Variants in ERC1 observed in about 807,000 individuals in gnomAD.
ERC1 encodes the protein ELKS/RAB6-interacting/CAST family member 1, also known as RAB6 interacting protein 2.
ERC1 carries 56 observed loss-of-function variants against 132.0 expected under a neutral mutation model. That is an observed-to-expected ratio of 0.42 (90% CI 0.34 to 0.53). ERC1 has a LOEUF of 0.53. ERC1 is among the 20% of genes least tolerant of loss of function. ERC1 has a pLI of 0.03. For missense variants in ERC1, 1,202 were observed against 1,349.9 expected (o/e 0.89, Z 1.72); for synonymous variants, 478 against 476.1 (o/e 1.00, Z -0.05).
intron 15 of ERC1, among the ~76,000 whole-genome samples, chr12:1,352,037 G>A (rs1174517301): frequency 1.3e-5 from 2 of 152,132 alleles, no homozygotes; most frequent in African/African-American, 2.4e-5. Flanking sequence ...TAGGCCTCCA[G>A]CTTTAACCCA....
At chr12:1,373,793 AAAAG>A (rs1297359601) in intron 16 of ERC1, among the ~76,000 whole-genome samples, 1 of 70,042 alleles carries the variant, frequency 1.4e-5, no homozygotes, top group African/African-American at 6.1e-5. Flanking sequence ...GAAAAAGAAG[AAAAG>A]AAAGAAAAGA....
intron 14 of ERC1, among the ~76,000 whole-genome samples, chr12:1,266,603 C>G (rs1372316363): frequency 6.6e-6 from 1 of 151,746 alleles, no homozygotes; most frequent in Non-Finnish European, 1.5e-5. Context: ...CGGGGTTTCA[C>G]CATGTTGGCC....
At position 1,247,062 on chromosome 12, in the gene ERC1, G is replaced by C. The variant is rs564509421; in HGVS notation, c.2487+10158G>C. Among the ~76,000 whole-genome samples the C allele has an allele frequency of 6.0e-5, 9 of 148,816 alleles. No homozygotes were observed. The East Asian group carries it at 1.4e-3, about 22-fold the overall frequency. ...GAGGATCACTTGAGCCCAGGAGTTT[G>C]AGGTTGCAGTGAGCCCAGGAGTTTG... On this transcript the variant is annotated intron_variant, in intron 13 of 18. Coordinates refer to ENST00000360905, the MANE Select transcript of ERC1 (RefSeq NM_178040.4).
intron 11 of ERC1, among the ~76,000 whole-genome samples, chr12:1,184,844 C>G (rs1219458507): frequency 6.6e-6 from 1 of 152,104 alleles, no homozygotes; most frequent in South Asian, 2.1e-4. Context: ...CTTCAAACTT[C>G]TAGGTATAAG....
chr12:1,110,192 G>C lies in ERC1; in HGVS notation c.1162G>C (p.Asp388His), dbSNP rs1202607167. ...KALQTVIEMK[D>H]SKISSMERGL... ...TCACTAAATCTTCCATTGTCTTCAG[G>C]ATTCAAAAATTTCCTCTATGGAGCG... The change falls in exon 5 of 19, where the codon GAT becomes CAT. Residue 388 changes from aspartate (D) to histidine (H), a missense_variant and splice_region_variant. Coordinates refer to ENST00000360905, the MANE Select transcript of ERC1 (RefSeq NM_178040.4). 3 of 1,601,964 alleles carry C rather than the reference G, an allele frequency of 1.9e-6. No homozygotes were observed. The highest frequency in any genetic ancestry group is 1.3e-5 in the African/African-American group (1 of 74,220).
At chr12:1,360,784 C>T (rs1045216921) in intron 15 of ERC1, among the ~76,000 whole-genome samples, 3 of 151,870 alleles carry the variant, frequency 2.0e-5, no homozygotes, top group Admixed American at 1.3e-4. Flanking sequence ...GCTAAAGTAA[C>T]GTTTAAGGAA....
At chr12:1,007,142 T>C (rs899544739) in intron 1 of ERC1, among the ~76,000 whole-genome samples, 2 of 152,150 alleles carry the variant, frequency 1.3e-5, no homozygotes, top group African/African-American at 2.4e-5. Flanking sequence ...ATAAGTGTTA[T>C]TGATACGTGC....
chr12:1,155,380 C>A (rs1951282015), intron 8 of ERC1, among the ~76,000 whole-genome samples: 1 of 151,002 alleles, frequency 6.6e-6, no homozygotes, highest in South Asian at 2.1e-4. Context: ...TAGGAGTCTA[C>A]CCAAAGGAAA....
chr12:1,068,534 G>A (rs534044511), intron 2 of ERC1, among the ~76,000 whole-genome samples: 2 of 151,982 alleles, frequency 1.3e-5, no homozygotes, highest in African/African-American at 4.8e-5. Context: ...CTGATGCTTA[G>A]CATTTTTTTG....
intron 16 of ERC1, among the ~76,000 whole-genome samples, chr12:1,396,498 C>G (rs181688714): frequency 7.2e-5 from 11 of 152,290 alleles, no homozygotes; most frequent in African/African-American, 2.6e-4. Context: ...TGTCGCAGCC[C>G]TCATAAACTC....
chr12:1,081,294 C>A (rs1276525218), intron 2 of ERC1, among the ~76,000 whole-genome samples: 2 of 152,212 alleles, frequency 1.3e-5, no homozygotes, highest in Non-Finnish European at 2.9e-5. Context: ...TCTACCCTCT[C>A]AAACATTTTA....
At chr12:1,049,352 G>C (rs1971551850) in intron 2 of ERC1, among the ~76,000 whole-genome samples, 1 of 152,148 alleles carries the variant, frequency 6.6e-6, no homozygotes, top group Non-Finnish European at 1.5e-5. Flanking sequence ...GCTGAACCCA[G>C]ATCAGTGATT....
intron 2 of ERC1, among the ~76,000 whole-genome samples, chr12:1,061,861 A>G (rs1937997801): frequency 6.6e-6 from 1 of 151,318 alleles, no homozygotes; most frequent in Non-Finnish European, 1.5e-5. Context: ...ATGCATTGCT[A>G]GGTTGTTTAT....
At chr12:1,007,472 CTCTCTCTCTCTCTCTCTCTCTT>C (rs1426108306) in intron 1 of ERC1, among the ~76,000 whole-genome samples, 1 of 150,082 alleles carries the variant, frequency 6.7e-6, no homozygotes, top group Non-Finnish European at 1.5e-5. Flanking sequence ...CTCTCTCTCT[CTCTCTCTCTCTCTCTCTCTCTT>C]TCTCTCTCTC....
chr12:1,228,609 C>T (rs2074784384), intron 12 of ERC1, among the ~76,000 whole-genome samples: 1 of 152,048 alleles, frequency 6.6e-6, no homozygotes, highest in Non-Finnish European at 1.5e-5. Flanking sequence ...TTTCTTGTTC[C>T]TGATGTTAGG....
chr12:1,167,702 CTTCTTTT>C (rs1180587393), intron 8 of ERC1, among the ~76,000 whole-genome samples: 1 of 149,790 alleles, frequency 6.7e-6, no homozygotes, highest in East Asian at 2.0e-4. Context: ...GATCTTTGGG[CTTCTTTT>C]TTCTTTTCTT....
intron 2 of ERC1, among the ~76,000 whole-genome samples, chr12:1,045,941 ATTACT>A (rs1380629164): frequency 2.0e-5 from 3 of 152,124 alleles, no homozygotes; most frequent in Non-Finnish European, 4.4e-5. Context: ...ATATAATTTG[ATTACT>A]TTAAATAATC....
chr12:1,137,100 C>CTTTTTTTTTTTTTTTTTTTTTTTT (rs944757047), intron 7 of ERC1, among the ~76,000 whole-genome samples: 4 of 122,894 alleles, frequency 3.3e-5, no homozygotes, highest in Admixed American at 8.8e-5. Context: ...TTTTTCTTTT[C>CTTTTTTTTTTTTTTTTTTTTTTTT]TTTTTTTTTT....
chr12:1,028,117 A>G lies in ERC1; in HGVS notation c.214A>G (p.Met72Val), dbSNP rs769096127. The change falls in exon 2 of 19, where the codon ATG becomes GTG. Residue 72 changes from methionine to valine, a missense_variant. Met to Val is a conservative substitution (Grantham distance 21). Coordinates refer to ENST00000360905, the MANE Select transcript of ERC1 (RefSeq NM_178040.4). ...LNAAYATSGP[M>V]YLSDHENVGS... Reference sequence around the variant, plus strand: ...TGCTGCCTATGCCACCTCTGGCCCTATGTATCTAAGTGACCATGAAAATGT... The same window carrying G: ...TGCTGCCTATGCCACCTCTGGCCCTGTGTATCTAAGTGACCATGAAAATGT... The G allele has an allele frequency of 4.8e-5, 77 of 1,614,082 alleles. No homozygotes were observed. Among genetic ancestry groups the G allele is most frequent in the Admixed American group, 2.2e-4 (13 of 60,004 alleles).
Sources: gnomAD v4.1 joint callset for allele counts (sites outside exome capture counted in the v4.1 genomes callset) on GRCh38, gnomAD v4.1.1 for gene constraint, MANE v1.5 for transcripts, NCBI Gene and HGNC (gene_info 2026-07-23, HGNC 2026-07-21) for gene names.